Variants in ASPRV1 observed in about 807,000 individuals in gnomAD.
ASPRV1 encodes retroviral-like aspartic protease 1.
In ASPRV1, 7 loss-of-function variants were observed where a neutral mutation model predicts 11.0. The ratio of observed to expected loss-of-function variants is 0.64; its 90% CI spans 0.36 to 1.20. ASPRV1 has a LOEUF of 1.20. Among genes scored for constraint, ASPRV1 ranks in the 50% most tolerant of loss-of-function variants. The probability of loss-of-function intolerance (pLI) is 0.02; values close to 1 mark genes in which losing one functional copy is unlikely to be tolerated. For missense variants in ASPRV1, 299 were observed against 320.0 expected, an observed-to-expected ratio of 0.93 and a Z score of 0.50; for synonymous variants, 136 against 138.4, an observed-to-expected ratio of 0.98 and a Z score of 0.12.
the ASPRV1 span, among the ~76,000 whole-genome samples, chr2:70,079,591 A>G: frequency 1.3e-5 from 2 of 152,204 alleles, no homozygotes; most frequent in Non-Finnish European, 2.9e-5. Context: ...TAAGAAAAAA[A>G]AAGTTGAGAA....
chr2:69,989,914 G>C, the ASPRV1 span, among the ~76,000 whole-genome samples: 83 of 152,374 alleles, frequency 5.4e-4, no homozygotes, highest in Admixed American at 3.3e-3. Context: ...TGATGATGAT[G>C]ATGGTGACAA....
the ASPRV1 span, chr2:70,085,991 AT>A: frequency 6.6e-6 from 1 of 152,184 alleles, no homozygotes; most frequent in African/African-American, 2.4e-5. Flanking sequence ...TTATCCCTTG[AT>A]ACTGCCCCCC....
chr2:70,063,572 C>T, the ASPRV1 span, among the ~76,000 whole-genome samples: 1 of 152,154 alleles, frequency 6.6e-6, no homozygotes, highest in Non-Finnish European at 1.5e-5. Flanking sequence ...GGCTTCTGTA[C>T]ATGCAACTTG....
chr2:70,029,491 G>A, the ASPRV1 span, among the ~76,000 whole-genome samples: 1 of 151,632 alleles, frequency 6.6e-6, no homozygotes, highest in Non-Finnish European at 1.5e-5. Context: ...TACAAAAAAT[G>A]AGCCAGGCGT....
the ASPRV1 span, among the ~76,000 whole-genome samples, chr2:70,024,687 A>G: frequency 6.6e-6 from 1 of 151,984 alleles, no homozygotes; most frequent in Non-Finnish European, 1.5e-5. Context: ...TTCTGTTGGA[A>G]GACAGTTGTA....
the ASPRV1 span, among the ~76,000 whole-genome samples, chr2:69,951,958 G>A: frequency 1.3e-5 from 2 of 151,918 alleles, no homozygotes; most frequent in Admixed American, 1.3e-4. Flanking sequence ...CTAGTTGTTG[G>A]TTACTTCAGC....
chr2:69,955,830 A>G (rs989624857), downstream of ASPRV1, among the ~76,000 whole-genome samples: 2 of 152,180 alleles, frequency 1.3e-5, no homozygotes, highest in African/African-American at 4.8e-5. Flanking sequence ...GGAACTCATA[A>G]TAGAGAGAGG....
At chr2:69,999,563 G>A in the ASPRV1 span, among the ~76,000 whole-genome samples, 1 of 145,428 alleles carries the variant, frequency 6.9e-6, no homozygotes, top group Non-Finnish European at 1.5e-5. Context: ...GGCTAAGGCA[G>A]GATAATCACT....
chr2:69,988,217 T>C, the ASPRV1 span, among the ~76,000 whole-genome samples: 2 of 152,186 alleles, frequency 1.3e-5, no homozygotes, highest in African/African-American at 2.4e-5. Flanking sequence ...TGCGCACCCA[T>C]GTTCACAGCA....
the ASPRV1 span, chr2:69,938,023 A>G: frequency 6.9e-7 from 1 of 1,448,204 alleles, no homozygotes; most frequent in East Asian, 2.3e-5. Flanking sequence ...CTGGGATTAC[A>G]AGCATGAGCC....
the ASPRV1 span, among the ~76,000 whole-genome samples, chr2:69,994,797 A>C: frequency 6.6e-6 from 1 of 151,526 alleles, no homozygotes; most frequent in African/African-American, 2.4e-5. Context: ...GGAGATCAAG[A>C]CCATCCTGGC....
At chr2:69,953,612 G>C in the ASPRV1 span, among the ~76,000 whole-genome samples, 1 of 152,216 alleles carries the variant, frequency 6.6e-6, no homozygotes, top group Non-Finnish European at 1.5e-5. Flanking sequence ...CCCCAATCCA[G>C]GGTAAAAAGA....
chr2:70,010,957 A>G, the ASPRV1 span, among the ~76,000 whole-genome samples: 1 of 152,168 alleles, frequency 6.6e-6, no homozygotes, highest in African/African-American at 2.4e-5. Context: ...AGTACTCGAT[A>G]TGTATTTACT....
At chr2:70,008,637 GTTT>G in the ASPRV1 span, among the ~76,000 whole-genome samples, 2 of 143,270 alleles carry the variant, frequency 1.4e-5, no homozygotes, top group South Asian at 4.4e-4. Flanking sequence ...GTTTTTGTGT[GTTT>G]TTTTTTTTTT....
chr2:69,964,190 T>C (rs1263745379), upstream of ASPRV1: 3 of 329,142 alleles, frequency 9.1e-6, no homozygotes, highest in Admixed American at 8.4e-5. Context: ...CTTAGCTGCT[T>C]GGGCCCAAAT....
chr2:70,009,876 T>C, the ASPRV1 span, among the ~76,000 whole-genome samples: 1 of 152,170 alleles, frequency 6.6e-6, no homozygotes, highest in Non-Finnish European at 1.5e-5. Flanking sequence ...TATTTGTAAT[T>C]TAGATGTATC....
the ASPRV1 span, chr2:70,087,072 C>A: frequency 6.6e-6 from 1 of 151,926 alleles, no homozygotes; most frequent in African/African-American, 2.4e-5. Flanking sequence ...GCTCTGGTCA[C>A]CTCACGCGCA....
chr2:69,958,810 C>T (rs1376894001), downstream of ASPRV1, among the ~76,000 whole-genome samples: 1 of 152,170 alleles, frequency 6.6e-6, no homozygotes, highest in African/African-American at 2.4e-5. Context: ...CCAGTTCCCC[C>T]ATCGCCTTCT....
chr2:70,053,072 A>T, the ASPRV1 span, among the ~76,000 whole-genome samples: 2 of 151,766 alleles, frequency 1.3e-5, no homozygotes, highest in African/African-American at 4.8e-5. Flanking sequence ...TTCATGCTCA[A>T]CCCCCCATAT....
Sources: gnomAD v4.1 joint callset for allele counts (sites outside exome capture counted in the v4.1 genomes callset) on GRCh38, gnomAD v4.1.1 for gene constraint, MANE v1.5 for transcripts, NCBI Gene and HGNC (gene_info 2026-07-23, HGNC 2026-07-21) for gene names.